RASSF3: variants seen among roughly 807,000 people sequenced by gnomAD.
RASSF3 encodes ras association domain-containing protein 3.
A neutral mutation model predicts 19.9 loss-of-function variants in RASSF3; 19 were observed. The observed-to-expected ratio is 0.96, with a 90% confidence interval of 0.67 to 1.40. The LOEUF (loss-of-function observed/expected upper bound fraction) is 1.40, where lower values mean the gene tolerates loss of function less well. Among genes scored for constraint, RASSF3 ranks in the 40% most tolerant of loss-of-function variants. The pLI is 0.00. For missense variants in RASSF3, 306 were observed against 289.8 expected (o/e 1.06, Z -0.41); for synonymous variants, 110 against 104.2 (o/e 1.06, Z -0.34).
intron 2 of RASSF3, among the ~76,000 whole-genome samples, chr12:64,567,006 T>C (rs11175455): frequency 0.082 from 12,548 of 152,196 alleles, 642 homozygotes; most frequent in Middle Eastern, 0.15. Context: ...AACGCGGTGG[T>C]TCACTGAGGG....
chr12:64,683,281 A>G (rs1873205440), intron 1 of RASSF3, among the ~76,000 whole-genome samples: 1 of 152,228 alleles, frequency 6.6e-6, no homozygotes, highest in Non-Finnish European at 1.5e-5. Flanking sequence ...TGGGAGAAGT[A>G]AAGGCAATAC....
rs558425416 is a variant in RASSF3 at position 64,696,715 on chromosome 12, A to G, written c.*1803A>G. 2 of 152,272 alleles carry G rather than the reference A, an allele frequency of 1.3e-5. No homozygotes were observed. Among genetic ancestry groups the G allele is most frequent in the East Asian group, 3.9e-4 (2 of 5,186 alleles). The allele number at this position is 152,272 out of a possible 1,614,324, so 9.4% of individuals were successfully genotyped here. Reference sequence around the variant, plus strand: ...ATGCTGTGCCACACAATTTACTGAGACAATCATATCTTCCTAAGCATTTAA... The same window carrying G: ...ATGCTGTGCCACACAATTTACTGAGGCAATCATATCTTCCTAAGCATTTAA... On this transcript the variant is annotated 3_prime_UTR_variant, in exon 5 of 5. Coordinates refer to ENST00000542104, the MANE Select transcript of RASSF3 (RefSeq NM_178169.4).
chr12:64,547,758 A>G (rs948558803), intron 2 of RASSF3, among the ~76,000 whole-genome samples: 1 of 152,236 alleles, frequency 6.6e-6, no homozygotes, highest in Admixed American at 6.5e-5. Flanking sequence ...TTTCAAATCA[A>G]ATTCTTCCCC....
intron 2 of RASSF3, among the ~76,000 whole-genome samples, chr12:64,565,334 T>A (rs1869411319): frequency 6.6e-6 from 1 of 151,674 alleles, no homozygotes; most frequent in Non-Finnish European, 1.5e-5. Context: ...CCCAGCACTT[T>A]GGGAGGCTGA....
intron 2 of RASSF3, among the ~76,000 whole-genome samples, chr12:64,591,598 A>C (rs575409887): frequency 6.6e-6 from 1 of 152,208 alleles, no homozygotes; most frequent in Admixed American, 6.6e-5. Context: ...ACTCAAGCAA[A>C]CCCCAGACAT....
exon 1 of RASSF3, chr12:64,507,283 C>G: frequency 2.5e-6 from 1 of 398,674 alleles, no homozygotes; most frequent in Non-Finnish European, 4.4e-6. Flanking sequence ...AATCACTGAC[C>G]TGCTCAAAGA....
chr12:64,672,949 C>T (rs1283354300), intron 1 of RASSF3, among the ~76,000 whole-genome samples: 4 of 152,142 alleles, frequency 2.6e-5, no homozygotes, highest in Non-Finnish European at 5.9e-5. Context: ...CTGGTGGAGC[C>T]GGCTGAGTTT....
At chr12:64,527,971 G>C (rs1868624518) in intron 1 of RASSF3, among the ~76,000 whole-genome samples, 1 of 149,048 alleles carries the variant, frequency 6.7e-6, no homozygotes, top group African/African-American at 2.5e-5. Context: ...TTAAAAAATT[G>C]ATACAGGCCA....
chr12:64,652,724 G>A (rs1432364440), intron 1 of RASSF3, among the ~76,000 whole-genome samples: 1 of 152,096 alleles, frequency 6.6e-6, no homozygotes, highest in Non-Finnish European at 1.5e-5. Flanking sequence ...TTATGTAGTG[G>A]TTACTGCAGT....
At chr12:64,561,428 A>G (rs569665315) in intron 2 of RASSF3, among the ~76,000 whole-genome samples, 1 of 152,314 alleles carries the variant, frequency 6.6e-6, no homozygotes, top group East Asian at 1.9e-4. Flanking sequence ...CACATTTGGC[A>G]TTTCTGGCCC....
chr12:64,629,417 T>G (rs1871097556), intron 1 of RASSF3, among the ~76,000 whole-genome samples: 1 of 152,114 alleles, frequency 6.6e-6, no homozygotes, highest in Non-Finnish European at 1.5e-5. Flanking sequence ...CCACTGCTAT[T>G]CTTCCAGCTA....
intron 1 of RASSF3, among the ~76,000 whole-genome samples, chr12:64,535,481 C>T (rs924886459): frequency 6.6e-6 from 1 of 152,024 alleles, no homozygotes; most frequent in African/African-American, 2.4e-5. Flanking sequence ...CCTCCCACCT[C>T]AGCCTCCTGA....
At position 64,616,897 on chromosome 12, in the gene RASSF3, C is replaced by T. The variant is rs529765086; in HGVS notation, c.111+6154C>T. The stretch of plus-strand genomic sequence containing the variant: ...CAGAACCATGGCCTGGAGTTGCCGC[C>T]CTCCATTCTCCTTAACATGTCGACT... On this transcript the variant is annotated intron_variant, in intron 1 of 4. Transcript: ENST00000542104. 8.5e-5 allele frequency among the ~76,000 whole-genome samples: 13 copies of T among 152,294 alleles called. No homozygotes were observed. The South Asian group carries it at 2.5e-3, about 29-fold the overall frequency.
At chr12:64,531,515 G>A (rs530908399), upstream of RASSF3, among the ~76,000 whole-genome samples, 3 of 152,238 alleles carry the variant, frequency 2.0e-5, no homozygotes, top group East Asian at 3.9e-4. Context: ...TCACAGTGTT[G>A]TGCAACCATC....
chr12:64,646,636 A>G (rs972856214), intron 1 of RASSF3, among the ~76,000 whole-genome samples: 2 of 152,154 alleles, frequency 1.3e-5, no homozygotes, highest in African/African-American at 4.8e-5. Context: ...AATTATGCTT[A>G]TGTTCTTCTT....
chr12:64,552,181 G>A (rs891007828), intron 2 of RASSF3, among the ~76,000 whole-genome samples: 1 of 152,080 alleles, frequency 6.6e-6, no homozygotes, highest in African/African-American at 2.4e-5. Context: ...GAGCCAGGGC[G>A]CTTGGCTAGA....
At chr12:64,571,871 G>A (rs1166696813) in intron 2 of RASSF3, among the ~76,000 whole-genome samples, 2 of 152,164 alleles carry the variant, frequency 1.3e-5, no homozygotes, top group African/African-American at 4.8e-5. Flanking sequence ...AGGCTTGCTG[G>A]TATAGACAGT....
At chr12:64,542,631 T>G (rs1388278574), downstream of RASSF3, among the ~76,000 whole-genome samples, 1 of 152,224 alleles carries the variant, frequency 6.6e-6, no homozygotes, top group Non-Finnish European at 1.5e-5. Flanking sequence ...GACTCATGCC[T>G]GTAATCCCAA....
At chr12:64,623,318 G>T (rs1307743902) in intron 1 of RASSF3, among the ~76,000 whole-genome samples, 6 of 152,296 alleles carry the variant, frequency 3.9e-5, no homozygotes, top group Admixed American at 3.9e-4. Flanking sequence ...CATTCCAAGG[G>T]AATTAAAATT....
Sources: gnomAD v4.1 joint callset for allele counts (sites outside exome capture counted in the v4.1 genomes callset) on GRCh38, gnomAD v4.1.1 for gene constraint, MANE v1.5 for transcripts, NCBI Gene and HGNC (gene_info 2026-07-23, HGNC 2026-07-21) for gene names.